NRG1: variants seen among roughly 807,000 people sequenced by gnomAD.
The protein encoded by NRG1 is pro-neuregulin-1, membrane-bound isoform.
Under a neutral mutation model 63.8 loss-of-function variants are expected in NRG1, and 18 were observed. The ratio of observed to expected loss-of-function variants is 0.28; its 90% CI spans 0.19 to 0.42. NRG1 has a LOEUF of 0.42. NRG1 is among the 10% of genes least tolerant of loss of function. NRG1 has a pLI of 1.00. For missense variants in NRG1, 762 were observed against 814.7 expected, an observed-to-expected ratio of 0.94 and a Z score of 0.79; for synonymous variants, 302 against 301.3, an observed-to-expected ratio of 1.00 and a Z score of -0.02.
At chr8:32,538,621 A>G (rs1161833642) in intron 1 of NRG1, among the ~76,000 whole-genome samples, 1 of 152,220 alleles carries the variant, frequency 6.6e-6, no homozygotes, top group African/African-American at 2.4e-5. Context: ...AGCTTGGAAA[A>G]GTTACAGTTG....
intron 1 of NRG1, among the ~76,000 whole-genome samples, chr8:31,890,278 A>G (rs1800453052): frequency 6.6e-6 from 1 of 152,240 alleles, no homozygotes. Context: ...CTACCTTGGT[A>G]TCCTCAGACA....
intron 1 of NRG1, among the ~76,000 whole-genome samples, chr8:32,149,656 A>T (rs893800939): frequency 6.6e-6 from 1 of 152,200 alleles, no homozygotes; most frequent in Non-Finnish European, 1.5e-5. Flanking sequence ...ATATTTGTTG[A>T]TTGTTTTGAT....
intron 5 of NRG1, among the ~76,000 whole-genome samples, chr8:32,656,230 T>C (rs893405876): frequency 2.0e-5 from 3 of 152,118 alleles, no homozygotes; most frequent in African/African-American, 7.2e-5. Context: ...AAAATATTTT[T>C]AAATTTGGAC....
intron 1 of NRG1, among the ~76,000 whole-genome samples, chr8:32,192,869 C>G (rs1026792209): frequency 6.6e-6 from 1 of 152,166 alleles, no homozygotes; most frequent in African/African-American, 2.4e-5. Flanking sequence ...AACACACACT[C>G]CCATACACAC....
chr8:32,008,733 A>T (rs572096870), intron 1 of NRG1, among the ~76,000 whole-genome samples: 1 of 152,178 alleles, frequency 6.6e-6, no homozygotes, highest in Admixed American at 6.6e-5. Flanking sequence ...TGGAAAGGGG[A>T]ACCCTCTGCT....
chr8:32,566,866 T>A (rs886709043), intron 1 of NRG1, among the ~76,000 whole-genome samples: 2 of 152,150 alleles, frequency 1.3e-5, no homozygotes, highest in African/African-American at 4.8e-5. Context: ...TTGTTTTGTT[T>A]TGTTTGAGAC....
chr8:32,524,390 C>T (rs878953403), intron 1 of NRG1, among the ~76,000 whole-genome samples: 2 of 152,288 alleles, frequency 1.3e-5, no homozygotes, highest in Admixed American at 6.5e-5. Flanking sequence ...ACAAATTCCC[C>T]TGATTTCTTC....
rs182724199 is a variant in NRG1 at position 32,087,813 on chromosome 8, G to T, written c.37+448382G>T. Among the ~76,000 whole-genome samples, 301 of 152,290 alleles carry T rather than the reference G, an allele frequency of 2.0e-3. 3 individuals carry two copies. The highest frequency in any genetic ancestry group is 3.0e-3 in the Non-Finnish European group (204 of 68,030). Reference sequence around the variant, plus strand: ...CAAATGGCCTAACACACTTATGTAAGTGAAATCATGCAGCATTTGTCGTTC... The same window carrying T: ...CAAATGGCCTAACACACTTATGTAATTGAAATCATGCAGCATTTGTCGTTC... On this transcript the variant is annotated intron_variant, in intron 1 of 10. Coordinates refer to the NRG1 transcript ENST00000519301.
At chr8:32,101,112 A>G (rs766401486) in intron 1 of NRG1, among the ~76,000 whole-genome samples, 2 of 152,192 alleles carry the variant, frequency 1.3e-5, no homozygotes, top group Non-Finnish European at 2.9e-5. Context: ...AACTACATGT[A>G]ACCAACCTAT....
intron 1 of NRG1, among the ~76,000 whole-genome samples, chr8:32,408,709 T>C (rs531536103): frequency 2.0e-4 from 31 of 152,316 alleles, no homozygotes; most frequent in African/African-American, 7.5e-4. Context: ...TGCACAAATT[T>C]TATAAACAAG....
At chr8:32,372,892 C>T (rs546865772) in intron 1 of NRG1, among the ~76,000 whole-genome samples, 29 of 152,306 alleles carry the variant, frequency 1.9e-4, no homozygotes, top group Admixed American at 1.8e-3. Flanking sequence ...CCCCTGGAAC[C>T]ACCAGTGTAA....
intron 1 of NRG1, among the ~76,000 whole-genome samples, chr8:32,413,913 G>A (rs539333149): frequency 6.1e-4 from 92 of 150,454 alleles, no homozygotes; most frequent in Non-Finnish European, 1.0e-3. Context: ...TGTTGGAAGA[G>A]TTTTTCTTCT....
intron 1 of NRG1, among the ~76,000 whole-genome samples, chr8:31,816,547 T>G (rs1015912204): frequency 3.3e-5 from 5 of 152,246 alleles, no homozygotes; most frequent in Admixed American, 6.5e-5. Context: ...CTGACACATT[T>G]ATATGGTCCT....
rs4733311 is a variant in NRG1 at position 32,241,933 on chromosome 8, T to C, written c.38-353895T>C. Among the ~76,000 whole-genome samples the C allele has an allele frequency of 6.7e-3, 1,016 of 152,130 alleles. 54 individuals are homozygous for C. The highest frequency in any genetic ancestry group is 0.061 in the Admixed American group (925 of 15,262). ...GGTGCCCAGCTATTTTTAAAATTTTTTGTAGAGACAAGTCTTGCTATGTTG... is the reference window on the plus strand; with the variant it reads ...GGTGCCCAGCTATTTTTAAAATTTTCTGTAGAGACAAGTCTTGCTATGTTG... On this transcript the variant is annotated intron_variant, in intron 1 of 10. Coordinates refer to the NRG1 transcript ENST00000519301.
At chr8:31,716,743 A>G (rs188863488) in intron 1 of NRG1, among the ~76,000 whole-genome samples, 4 of 152,338 alleles carry the variant, frequency 2.6e-5, no homozygotes, top group Non-Finnish European at 5.9e-5. Flanking sequence ...ATACGGTTCT[A>G]ATTTTTAAAA....
intron 11 of NRG1, among the ~76,000 whole-genome samples, chr8:32,762,207 C>T (rs774083680): frequency 9.2e-5 from 14 of 151,968 alleles, no homozygotes; most frequent in Non-Finnish European, 2.9e-5. Flanking sequence ...TGTTTTAAAA[C>T]TTTAGTCTTA....
intron 1 of NRG1, among the ~76,000 whole-genome samples, chr8:32,146,119 A>G (rs1377364897): frequency 6.6e-6 from 1 of 152,222 alleles, no homozygotes; most frequent in Non-Finnish European, 1.5e-5. Context: ...CCTCTGGAGC[A>G]AAGTGTAGAG....
chr8:32,693,423 A>T (rs537717232), intron 5 of NRG1, among the ~76,000 whole-genome samples: 1 of 151,904 alleles, frequency 6.6e-6, no homozygotes, highest in Non-Finnish European at 1.5e-5. Flanking sequence ...TTCACATGTT[A>T]GCCAGGATGG....
At chr8:32,015,325 C>T (rs570749161) in intron 1 of NRG1, among the ~76,000 whole-genome samples, 2 of 152,174 alleles carry the variant, frequency 1.3e-5, no homozygotes, top group African/African-American at 4.8e-5. Flanking sequence ...ATAAGAAAGT[C>T]CATTAGATGC....
Sources: gnomAD v4.1 joint callset for allele counts (sites outside exome capture counted in the v4.1 genomes callset) on GRCh38, gnomAD v4.1.1 for gene constraint, MANE v1.5 for transcripts, NCBI Gene and HGNC (gene_info 2026-07-23, HGNC 2026-07-21) for gene names.